Variants in SETD3 observed in about 807,000 individuals in gnomAD.
SETD3 encodes the protein SET domain containing 3, actin N3(tau)-histidine methyltransferase.
A neutral mutation model predicts 63.0 loss-of-function variants in SETD3; 19 were observed. That is an observed-to-expected ratio of 0.30 (90% CI 0.21 to 0.44). The LOEUF is 0.44. Ranked by LOEUF, SETD3 falls within the 20% of genes least tolerant of loss-of-function variation. The pLI is 1.00. For missense variants in SETD3, 587 were observed against 728.5 expected, an observed-to-expected ratio of 0.81 and a Z score of 2.24; for synonymous variants, 286 against 264.1, an observed-to-expected ratio of 1.08 and a Z score of -0.80.
intron 6 of SETD3, among the ~76,000 whole-genome samples, chr14:99,418,406 C>T (rs1423690887): frequency 6.6e-6 from 1 of 152,130 alleles, no homozygotes; most frequent in Non-Finnish European, 1.5e-5. Flanking sequence ...GGAACAGACA[C>T]ACCTAACTCA....
At chr14:99,459,353 T>C (rs1033557006) in intron 4 of SETD3, among the ~76,000 whole-genome samples, 168 bp from the exon 5 acceptor site, 2 of 152,232 alleles carry the variant, frequency 1.3e-5, no homozygotes, top group East Asian at 1.9e-4. Context: ...ATTTATCTTA[T>C]AGTTAAATGA....
intron 6 of SETD3, among the ~76,000 whole-genome samples, chr14:99,442,614 A>G (rs538469012): frequency 6.6e-6 from 1 of 152,322 alleles, no homozygotes; most frequent in South Asian, 2.1e-4. Flanking sequence ...ATGAATAGGA[A>G]ATGTATTTTC....
chr14:99,452,624 C>A (rs758731139), intron 6 of SETD3, among the ~76,000 whole-genome samples: 2 of 152,124 alleles, frequency 1.3e-5, no homozygotes, highest in African/African-American at 2.4e-5. Context: ...TGTATAAATA[C>A]CAGAAGTCAG....
At chr14:99,422,991 A>T (rs1892669178) in intron 6 of SETD3, among the ~76,000 whole-genome samples, 1 of 152,164 alleles carries the variant, frequency 6.6e-6, no homozygotes, top group South Asian at 2.1e-4. Flanking sequence ...CAGTTACTTG[A>T]GGGAAGCAGT....
rs771471780 is a variant in SETD3, at chr14:99,398,991, T to C, written c.1473A>G (p.Gln491=). The C allele has an allele frequency of 1.9e-6, 3 of 1,614,226 alleles. No individual in the cohort carries two copies. Among genetic ancestry groups the C allele is most frequent in the African/African-American group, 1.3e-5 (1 of 75,062 alleles). ...SAAVNREYYR[Q]QMEEKAPLPK... ...GAAGCGGAGCCTTTTCCTCCATCTGTTGGCGATAGTATTCCCGGTTGACAG... is the reference window on the plus strand; with the variant it reads ...GAAGCGGAGCCTTTTCCTCCATCTGCTGGCGATAGTATTCCCGGTTGACAG... Residue 491 remains glutamine (Q), a synonymous_variant, in exon 13 of 13, where the codon CAA becomes CAG. Coordinates refer to ENST00000331768, the MANE Select transcript of SETD3 (RefSeq NM_032233.3).
chr14:99,442,060 A>C (rs1893852001), intron 6 of SETD3, among the ~76,000 whole-genome samples: 1 of 152,202 alleles, frequency 6.6e-6, no homozygotes, highest in Non-Finnish European at 1.5e-5. Context: ...CGCCCACGGC[A>C]TGAATTCTGA....
At chr14:99,403,603 T>A (rs1489145896) in intron 11 of SETD3, among the ~76,000 whole-genome samples, 1 of 152,052 alleles carries the variant, frequency 6.6e-6, no homozygotes, top group Non-Finnish European at 1.5e-5. Context: ...AAACCCCAAA[T>A]GACTTGTTTT....
intron 1 of SETD3, among the ~76,000 whole-genome samples, chr14:99,473,042 T>G (rs1400450364): frequency 6.6e-6 from 1 of 152,206 alleles, no homozygotes; most frequent in African/African-American, 2.4e-5. Flanking sequence ...CTTTGGCCCT[T>G]TAAAACACCA....
Position 99,397,950 on chromosome 14 carries a change from T to G in SETD3, c.*729A>C, listed in dbSNP as rs974863149. The G allele has an allele frequency of 6.6e-6, 1 of 152,498 alleles. No homozygotes were observed. Among genetic ancestry groups the G allele is most frequent in the African/African-American group, 2.4e-5 (1 of 41,378 alleles). The allele number at this position is 152,498 out of a possible 1,614,324, so 9.4% of individuals were successfully genotyped here. A position where few individuals can be genotyped will look rare whatever the true frequency, so the allele number is the denominator to read the frequency against. On this transcript the variant is annotated 3_prime_UTR_variant, in exon 13 of 13. Transcript: ENST00000331768. ...ACCACTTTAAAATCAGAGCCAACAT[T>G]TAAAATTAGGAGGATGATGCATGTC...
chr14:99,404,462 C>T (rs1009514518), intron 10 of SETD3, 152 bp from the exon 11 acceptor site: 19 of 650,440 alleles, frequency 2.9e-5, no homozygotes, highest in Non-Finnish European at 5.0e-5. Context: ...ACTGTGAGCA[C>T]GATTTTCAGC....
intron 10 of SETD3, 117 bp from the exon 11 acceptor site, chr14:99,404,427 TGGGTC>T: frequency 1.1e-6 from 1 of 884,722 alleles, no homozygotes; most frequent in Non-Finnish European, 1.8e-6. Context: ...TGAGCTGGAA[TGGGTC>T]ATTCCAGCTC....
chr14:99,426,878 G>A (rs957686697), intron 6 of SETD3, among the ~76,000 whole-genome samples: 4 of 152,080 alleles, frequency 2.6e-5, no homozygotes, highest in Non-Finnish European at 5.9e-5. Context: ...CTTACACCTC[G>A]CTCGGCCAAC....
intron 6 of SETD3, among the ~76,000 whole-genome samples, chr14:99,439,630 T>C (rs1459625084): frequency 6.8e-6 from 1 of 147,956 alleles, no homozygotes; most frequent in Non-Finnish European, 1.5e-5. Context: ...AACATATTTA[T>C]ATTTTTATAT....
chr14:99,447,241 G>C (rs1894189435), intron 6 of SETD3, among the ~76,000 whole-genome samples: 1 of 152,132 alleles, frequency 6.6e-6, no homozygotes, highest in Non-Finnish European at 1.5e-5. Context: ...CCAAAGCGCT[G>C]GGATTAAAGG....
At chr14:99,400,868 A>C (rs1384658281) in intron 11 of SETD3, among the ~76,000 whole-genome samples, 1 of 152,198 alleles carries the variant, frequency 6.6e-6, no homozygotes, top group African/African-American at 2.4e-5. Context: ...GGCCGGGCGC[A>C]GTGGCTCACG....
chr14:99,473,301 C>T (rs904906557), intron 1 of SETD3, among the ~76,000 whole-genome samples: 5 of 152,052 alleles, frequency 3.3e-5, no homozygotes, highest in Non-Finnish European at 7.4e-5. Context: ...GCAGTGGGAG[C>T]GGAGGTGGGG....
At chr14:99,452,487 T>C (rs1264226630) in intron 6 of SETD3, among the ~76,000 whole-genome samples, 1 of 152,246 alleles carries the variant, frequency 6.6e-6, no homozygotes, top group African/African-American at 2.4e-5. Context: ...TAAAAGGTCC[T>C]GGATCAAGGA....
chr14:99,425,348 A>G (rs1365383070), intron 6 of SETD3, among the ~76,000 whole-genome samples: 2 of 152,346 alleles, frequency 1.3e-5, no homozygotes, highest in Admixed American at 6.5e-5. Context: ...GGTTAGGCGC[A>G]TGCAAGAACA....
chr14:99,486,140 C>T, the SETD3 span, among the ~76,000 whole-genome samples: 1 of 152,064 alleles, frequency 6.6e-6, no homozygotes, highest in Non-Finnish European at 1.5e-5. Flanking sequence ...TTCCTTAGTT[C>T]CTTGTCCTTT....
Sources: gnomAD v4.1 joint callset for allele counts (sites outside exome capture counted in the v4.1 genomes callset) on GRCh38, gnomAD v4.1.1 for gene constraint, MANE v1.5 for transcripts, NCBI Gene and HGNC (gene_info 2026-07-23, HGNC 2026-07-21) for gene names.